CCDC149: variants seen among roughly 807,000 people sequenced by gnomAD.
CCDC149 encodes the protein coiled-coil domain containing 149.
A neutral mutation model predicts 59.9 loss-of-function variants in CCDC149; 45 were observed. That is an observed-to-expected ratio of 0.75 (90% CI 0.59 to 0.96). The LOEUF is 0.96. CCDC149 is among the 40% of genes least tolerant of loss of function. The pLI, the probability that CCDC149 is intolerant of heterozygous loss-of-function variation, is 0.00. For missense variants in CCDC149, 584 were observed against 664.7 expected, an observed-to-expected ratio of 0.88 and a Z score of 1.33; for synonymous variants, 245 against 260.6, an observed-to-expected ratio of 0.94 and a Z score of 0.58.
Position 24,808,270 on chromosome 4 carries a change from C to T in CCDC149, c.*119G>A. 1.1e-6 allele frequency: 1 copy of T among 899,654 alleles called. No individual in the cohort carries two copies. The allele number at this position is 899,654 out of a possible 1,614,324, so 55.7% of individuals were successfully genotyped here. A position where few individuals can be genotyped will look rare whatever the true frequency, so the allele number is the denominator to read the frequency against. ...GTTTGCAACAGGATCAGTGCGTTTT[C>T]TCACTTGCAGACTCGGAGGTATTTC... On this transcript the variant is annotated 3_prime_UTR_variant, in exon 13 of 13. Transcript: ENST00000635206.
At chr4:24,881,142 G>C (rs771560127) in intron 1 of CCDC149, among the ~76,000 whole-genome samples, 1 of 152,152 alleles carries the variant, frequency 6.6e-6, no homozygotes, top group Non-Finnish European at 1.5e-5. Flanking sequence ...GGTGGGACAG[G>C]GTGCTGGGAC....
At chr4:24,873,193 G>A (rs921289332) in intron 3 of CCDC149, among the ~76,000 whole-genome samples, 1 of 151,372 alleles carries the variant, frequency 6.6e-6, no homozygotes, top group African/African-American at 2.4e-5. Context: ...TGCACCCACA[G>A]AACAGTATGC....
chr4:24,827,457 C>T (rs1346301474), intron 9 of CCDC149: 1 of 152,208 alleles, frequency 6.6e-6, no homozygotes, highest in African/African-American at 2.4e-5. Context: ...TAGCAAAAGG[C>T]CAATATGTCC....
chr4:24,843,216 T>C (rs1373084195), intron 4 of CCDC149, among the ~76,000 whole-genome samples: 1 of 152,218 alleles, frequency 6.6e-6, no homozygotes, highest in Non-Finnish European at 1.5e-5. Context: ...TCTTACACAG[T>C]AGCTGTCAAT....
intron 3 of CCDC149, among the ~76,000 whole-genome samples, chr4:24,870,935 C>A (rs1053162707): frequency 6.6e-6 from 1 of 150,652 alleles, no homozygotes; most frequent in Non-Finnish European, 1.5e-5. Flanking sequence ...GTCCCAGCAA[C>A]TCGGGGGGCT....
At chr4:24,887,980 T>C (rs749443466) in intron 1 of CCDC149, among the ~76,000 whole-genome samples, 13 of 152,110 alleles carry the variant, frequency 8.5e-5, no homozygotes, top group Non-Finnish European at 1.3e-4. Context: ...CTCTCTCTTT[T>C]TCTACACTGT....
downstream of CCDC149, among the ~76,000 whole-genome samples, chr4:24,804,486 CAAAA>C (rs397796144): frequency 3.5e-5 from 2 of 57,126 alleles, no homozygotes; most frequent in Non-Finnish European, 7.0e-5. Flanking sequence ...GTGAGACTCT[CAAAA>C]AAAAAAAAAA....
intron 1 of CCDC149, among the ~76,000 whole-genome samples, chr4:24,972,885 C>G (rs562224290): frequency 5.4e-4 from 82 of 152,218 alleles, no homozygotes; most frequent in South Asian, 1.9e-3. Flanking sequence ...CCTTCCAGAC[C>G]CTCCCAATCC....
At chr4:24,893,635 G>A (rs1458382058) in intron 1 of CCDC149, among the ~76,000 whole-genome samples, 1 of 4,014 alleles carries the variant, frequency 2.5e-4, no homozygotes, top group Admixed American at 1.7e-3. Context: ...TTTTTTTTTT[G>A]AGATGAAGTC....
chr4:24,852,664 A>G lies in CCDC149; in HGVS notation c.372+408T>C, dbSNP rs189659348. ...AATAAAATAAATTGGTTATGAGAAC[A>G]TAATTAGTAGGATGACTACTTAAAA... On this transcript the variant is annotated intron_variant, in intron 4 of 12. Coordinates refer to ENST00000635206, the MANE Select transcript of CCDC149 (RefSeq NM_001330643.2). Among the ~76,000 whole-genome samples, 346 of 152,348 alleles carry G rather than the reference A, an allele frequency of 2.3e-3. 1 individual carries two copies. The highest frequency in any genetic ancestry group is 7.9e-3 in the African/African-American group (328 of 41,584).
chr4:24,945,081 G>A (rs540581343), intron 1 of CCDC149, among the ~76,000 whole-genome samples: 6 of 152,148 alleles, frequency 3.9e-5, no homozygotes, highest in Non-Finnish European at 8.8e-5. Context: ...CCAAATCCCC[G>A]AATGGGCTTA....
At chr4:24,857,630 CT>C (rs1419870353) in intron 3 of CCDC149, among the ~76,000 whole-genome samples, 1 of 152,114 alleles carries the variant, frequency 6.6e-6, no homozygotes, top group Admixed American at 6.5e-5. Context: ...GGCAGGGCTG[CT>C]TTAGGAAACA....
At chr4:24,972,550 C>T (rs1724006977) in intron 1 of CCDC149, among the ~76,000 whole-genome samples, 1 of 151,992 alleles carries the variant, frequency 6.6e-6, no homozygotes, top group Non-Finnish European at 1.5e-5. Context: ...TAAAGCAAGC[C>T]GCTCCCCTCG....
chr4:24,883,827 T>C (rs1719994125), intron 1 of CCDC149, among the ~76,000 whole-genome samples: 1 of 152,198 alleles, frequency 6.6e-6, no homozygotes, highest in South Asian at 2.1e-4. Flanking sequence ...TTCCCCATTT[T>C]ATGGGCAAAA....
At chr4:24,929,574 A>T (rs1345661113) in intron 1 of CCDC149, among the ~76,000 whole-genome samples, 1 of 152,178 alleles carries the variant, frequency 6.6e-6, no homozygotes, top group Admixed American at 6.5e-5. Flanking sequence ...GAAAGATCAG[A>T]CCTCAACACC....
chr4:24,912,835 C>T lies in CCDC149; in HGVS notation c.45G>A (p.Trp15Ter). ...GCCTCACCTCGCTCACCAGCCCCTG[C>T]CAGTCGCTCTCAGTCCGGTCGCCGT... Residue 15 changes from tryptophan to a stop codon, truncating the protein, a stop_gained, in exon 1 of 13, where the codon TGG (tryptophan) becomes TGA (stop). Coordinates refer to ENST00000635206, the MANE Select transcript of CCDC149 (RefSeq NM_001330643.2). LOFTEE classifies it high-confidence loss of function. The T allele has an allele frequency of 2.2e-6, 3 of 1,373,988 alleles. No individual in the cohort carries two copies. Among genetic ancestry groups the T allele is most frequent in the Non-Finnish European group, 9.5e-7 (1 of 1,049,130 alleles). The allele number at this position is 1,373,988 out of a possible 1,614,324, so 85.1% of individuals were successfully genotyped here. A position where few individuals can be genotyped will look rare whatever the true frequency, so the allele number is the denominator to read the frequency against.
chr4:24,879,517 CAAA>C (rs34213743), intron 1 of CCDC149, among the ~76,000 whole-genome samples: 15 of 115,942 alleles, frequency 1.3e-4, no homozygotes, highest in Admixed American at 9.1e-5. Context: ...ACTCTTGTCT[CAAA>C]AAAAAAAAAA....
intron 9 of CCDC149, chr4:24,829,144 C>A (rs1715960060): frequency 6.5e-6 from 1 of 152,712 alleles, no homozygotes; most frequent in Non-Finnish European, 1.5e-5. Flanking sequence ...GGACTGGGGT[C>A]TGAGGATGGA....
chr4:24,975,317 G>C (rs541531530), intron 1 of CCDC149, among the ~76,000 whole-genome samples: 126 of 150,064 alleles, frequency 8.4e-4, no homozygotes, highest in African/African-American at 3.0e-3. Context: ...AAAGAAGGGA[G>C]GCAAGACAAA....
Sources: gnomAD v4.1 joint callset for allele counts (sites outside exome capture counted in the v4.1 genomes callset) on GRCh38, gnomAD v4.1.1 for gene constraint, MANE v1.5 for transcripts, NCBI Gene and HGNC (gene_info 2026-07-23, HGNC 2026-07-21) for gene names.